Variants in GAB1 observed in about 807,000 individuals in gnomAD.
GAB1 encodes GRB2-associated-binding protein 1.
Under a neutral mutation model 66.5 loss-of-function variants are expected in GAB1, and 19 were observed. The observed-to-expected ratio is 0.29, with a 90% CI of 0.20 to 0.42. The LOEUF (loss-of-function observed/expected upper bound fraction) is 0.42. Ranked by LOEUF, GAB1 falls within the 10% of genes least tolerant of loss-of-function variation. The probability of loss-of-function intolerance (pLI) is 1.00; values close to 1 mark genes in which losing one functional copy is unlikely to be tolerated. For synonymous variants in GAB1, 294 were observed against 301.4 expected, an observed-to-expected ratio of 0.98 and a Z score of 0.25; for missense variants, 732 against 858.5, an observed-to-expected ratio of 0.85 and a Z score of 1.84.
At chr4:143,407,550 T>A (rs1229363781) in intron 1 of GAB1, among the ~76,000 whole-genome samples, 1 of 152,226 alleles carries the variant, frequency 6.6e-6, no homozygotes, top group Non-Finnish European at 1.5e-5. Context: ...CTAGGCATTG[T>A]TCTGCATTAT....
chr4:143,459,736 A>G (rs1419114382), intron 7 of GAB1, among the ~76,000 whole-genome samples: 1 of 152,156 alleles, frequency 6.6e-6, no homozygotes. Context: ...GACACCCAAT[A>G]GAAATGTGTA....
At chr4:143,353,899 G>A (rs908490848) in intron 1 of GAB1, among the ~76,000 whole-genome samples, 1 of 152,088 alleles carries the variant, frequency 6.6e-6, no homozygotes, top group Non-Finnish European at 1.5e-5. Context: ...TTCTCTCCCT[G>A]CCATCTGCTC....
intron 6 of GAB1, among the ~76,000 whole-genome samples, chr4:143,449,268 T>A (rs909618811): frequency 2.9e-4 from 44 of 151,862 alleles, no homozygotes; most frequent in Non-Finnish European, 5.4e-4. Flanking sequence ...TATATTCTGT[T>A]GATTTGGGGT....
intron 1 of GAB1, among the ~76,000 whole-genome samples, chr4:143,398,605 G>A (rs924253928): frequency 1.3e-5 from 2 of 151,954 alleles, no homozygotes; most frequent in African/African-American, 4.8e-5. Context: ...TGTGTCATTT[G>A]TATAACCCTG....
At chr4:143,464,514 G>C (rs949111325) in intron 8 of GAB1, among the ~76,000 whole-genome samples, 1 of 152,192 alleles carries the variant, frequency 6.6e-6, no homozygotes, top group Admixed American at 6.5e-5. Flanking sequence ...ACAGGCCTGA[G>C]CCACCGCGCC....
intron 6 of GAB1, among the ~76,000 whole-genome samples, chr4:143,455,842 C>T (rs1735158887): frequency 6.6e-6 from 1 of 152,138 alleles, no homozygotes; most frequent in Non-Finnish European, 1.5e-5. Context: ...CCAAGCAGCT[C>T]CAACATAGTA....
intron 1 of GAB1, among the ~76,000 whole-genome samples, chr4:143,414,979 C>T (rs1732601250): frequency 6.6e-6 from 1 of 152,094 alleles, no homozygotes. Context: ...CCATTTCCCA[C>T]CCCTCCCCCT....
intron 1 of GAB1, among the ~76,000 whole-genome samples, chr4:143,347,126 T>C (rs1729014554): frequency 6.6e-6 from 1 of 152,232 alleles, no homozygotes; most frequent in East Asian, 1.9e-4. Context: ...TTCTTCGGTG[T>C]TTGTAATAGG....
At chr4:143,340,564 G>A (rs1374846826) in intron 1 of GAB1, among the ~76,000 whole-genome samples, 1 of 152,074 alleles carries the variant, frequency 6.6e-6, no homozygotes, top group Non-Finnish European at 1.5e-5. Context: ...AGACTGGAGT[G>A]CAGTGGCACT....
intron 1 of GAB1, among the ~76,000 whole-genome samples, chr4:143,393,815 C>T (rs1014523876): frequency 9.9e-5 from 15 of 152,174 alleles, no homozygotes; most frequent in Non-Finnish European, 1.3e-4. Context: ...ACTGTAACCA[C>T]AGCTGCTTTT....
Position 143,438,258 on chromosome 4 carries a change from T to C in GAB1, c.853T>C (p.Tyr285His). The C allele has an allele frequency of 2.5e-6, 4 of 1,614,114 alleles. No homozygotes were observed. Among genetic ancestry groups the C allele is most frequent in the Non-Finnish European group, 3.4e-6 (4 of 1,179,978 alleles). ...AAGTACTGAAGCAGATGGAGAACTC[T>C]ATGTTTTTAATACCCCATCTGGGAC... Reference protein sequence around the residue: ...PSSTEADGELYVFNTPSGTSS... With the variant: ...PSSTEADGELHVFNTPSGTSS... Residue 285 changes from tyrosine (Y) to histidine (H), a missense_variant, in exon 4 of 10, where the codon TAT becomes CAT. Physicochemically the swap from Tyr to His is moderately conservative, Grantham distance 83. This residue lies in a region of GAB1 where 427 missense variants were observed against 420.6 expected (regional missense o/e 1.02). Coordinates refer to ENST00000262994, the MANE Select transcript of GAB1 (RefSeq NM_002039.4).
At chr4:143,372,575 A>T (rs750714557) in intron 1 of GAB1, among the ~76,000 whole-genome samples, 1 of 152,244 alleles carries the variant, frequency 6.6e-6, no homozygotes, top group Non-Finnish European at 1.5e-5. Context: ...GTCTGAAGTC[A>T]TTCTGAGTCA....
intron 9 of GAB1, among the ~76,000 whole-genome samples, chr4:143,468,208 CTTT>C (rs780138131): frequency 1.1e-4 from 8 of 70,058 alleles, no homozygotes; most frequent in African/African-American, 3.3e-4. Context: ...AGTTTGAATT[CTTT>C]TTTTTTTTTT....
At chr4:143,423,358 A>T (rs1465418871) in intron 2 of GAB1, among the ~76,000 whole-genome samples, 4 of 152,124 alleles carry the variant, frequency 2.6e-5, no homozygotes, top group African/African-American at 9.7e-5. Context: ...TGATCTTGCT[A>T]GCAAACATAA....
intron 2 of GAB1, chr4:143,425,599 G>A (rs1303598905): frequency 4.1e-5 from 31 of 762,492 alleles, no homozygotes; most frequent in Non-Finnish European, 7.5e-5. Flanking sequence ...CTGCGCGTGC[G>A]TGGCACCATT....
intron 6 of GAB1, among the ~76,000 whole-genome samples, chr4:143,454,111 TAG>T (rs953410434): frequency 6.6e-6 from 1 of 152,134 alleles, no homozygotes; most frequent in African/African-American, 2.4e-5. Context: ...ACATGAGAAA[TAG>T]AGAACAGAAT....
chr4:143,368,265 A>C (rs1729972828), intron 1 of GAB1, among the ~76,000 whole-genome samples: 1 of 151,898 alleles, frequency 6.6e-6, no homozygotes, highest in African/African-American at 2.4e-5. Context: ...CAAAGATCAG[A>C]GAAAGGGAGC....
intron 1 of GAB1, among the ~76,000 whole-genome samples, chr4:143,348,338 C>T (rs1729054085): frequency 6.6e-6 from 1 of 152,222 alleles, no homozygotes; most frequent in South Asian, 2.1e-4. Context: ...TAGCCCACAG[C>T]AACTCAGAGT....
Position 143,438,324 on chromosome 4 carries a change from T to C in GAB1, c.919T>C (p.Tyr307His), listed in dbSNP as rs1734041494. 6.2e-7 allele frequency: 1 copy of C among 1,613,976 alleles called. No homozygotes were observed. Among genetic ancestry groups the C allele is most frequent in the Non-Finnish European group, 8.5e-7 (1 of 1,179,952 alleles). Reference protein sequence around the residue: ...ETQMRHVSISYDIPPTPGNTY... With the variant: ...ETQMRHVSISHDIPPTPGNTY... ...TCAAATGAGGCATGTATCTATTAGT[T>C]ATGACATTCCTCCAACACCTGGTAA... Residue 307 changes from tyrosine to histidine, a missense_variant, in exon 4 of 10, where the codon TAT (tyrosine) becomes CAT (histidine). This residue lies in a region of GAB1 where 427 missense variants were observed against 420.6 expected (regional missense o/e 1.02). Transcript: ENST00000262994.
Sources: gnomAD v4.1 joint callset for allele counts (sites outside exome capture counted in the v4.1 genomes callset) on GRCh38, gnomAD v4.1.1 for gene constraint, gnomAD v4.1.1 regional missense constraint, MANE v1.5 for transcripts, NCBI Gene and HGNC (gene_info 2026-07-23, HGNC 2026-07-21) for gene names.